PRPSAP2: variants seen among roughly 807,000 people sequenced by gnomAD.
PRPSAP2 encodes the protein phosphoribosyl pyrophosphate synthase-associated protein 2.
In PRPSAP2, 24 loss-of-function variants were observed where a neutral mutation model predicts 40.6. The observed-to-expected ratio is 0.59, with a 90% CI of 0.43 to 0.83. The LOEUF (loss-of-function observed/expected upper bound fraction) is 0.83. Among genes scored for constraint, PRPSAP2 ranks in the 40% least tolerant of loss-of-function variants. The probability of loss-of-function intolerance (pLI) is 0.00; values close to 1 mark genes in which losing one functional copy is unlikely to be tolerated. For missense variants in PRPSAP2, 292 were observed against 465.6 expected, an observed-to-expected ratio of 0.63 and a Z score of 3.43; for synonymous variants, 149 against 164.7, an observed-to-expected ratio of 0.90 and a Z score of 0.73.
At chr17:18,867,482 G>T in intron 4 of PRPSAP2, 148 bp downstream of exon 4, 1 of 885,586 alleles carries the variant, frequency 1.1e-6, no homozygotes, top group South Asian at 1.7e-5. Flanking sequence ...GAACAGAGTG[G>T]TTTTTTAGCT....
intron 10 of PRPSAP2, among the ~76,000 whole-genome samples, chr17:18,925,833 C>G (rs1034192891): frequency 1.3e-5 from 2 of 152,104 alleles, no homozygotes; most frequent in Non-Finnish European, 2.9e-5. Flanking sequence ...TCTCTGGGGC[C>G]GGGCACGGTG....
In PRPSAP2 at chr17:18,882,390, A is replaced by T. The variant is rs112368682; in HGVS notation, c.413-178A>T. 1.0e-3 allele frequency among the ~76,000 whole-genome samples: 154 copies of T among 151,902 alleles called. 1 individual carries two copies. The highest frequency in any genetic ancestry group is 3.6e-3 in the African/African-American group (151 of 41,480). On this transcript the variant is annotated intron_variant, in intron 6 of 11. Transcript: ENST00000268835. ...TCTGGGCGTGGTGGCATGCACCTGT[A>T]TTCCCAGCTACTTTCAAGGCTGAGG...
chr17:18,900,669 G>A (rs576716736), intron 8 of PRPSAP2, among the ~76,000 whole-genome samples: 1 of 152,192 alleles, frequency 6.6e-6, no homozygotes, highest in Non-Finnish European at 1.5e-5. Flanking sequence ...GTTGGGGCTC[G>A]TTTCTGCTAG....
intron 8 of PRPSAP2, among the ~76,000 whole-genome samples, chr17:18,902,631 A>T (rs1280618423): frequency 6.6e-6 from 1 of 152,058 alleles, no homozygotes; most frequent in Non-Finnish European, 1.5e-5. Flanking sequence ...GCACTTTGGG[A>T]GGCCGAGGGG....
chr17:18,865,152 A>T (rs2037343251), intron 1 of PRPSAP2, among the ~76,000 whole-genome samples: 1 of 152,158 alleles, frequency 6.6e-6, no homozygotes, highest in Admixed American at 6.6e-5. Context: ...ACCAGCACTG[A>T]TGATTTATAA....
chr17:18,878,756 C>T (rs2038492510), intron 6 of PRPSAP2, among the ~76,000 whole-genome samples: 1 of 152,174 alleles, frequency 6.6e-6, no homozygotes, highest in African/African-American at 2.4e-5. Context: ...AGGGTTTCTC[C>T]ATGTTGGTCA....
At chr17:18,922,254 T>A (rs986084498) in intron 9 of PRPSAP2, among the ~76,000 whole-genome samples, 2 of 152,244 alleles carry the variant, frequency 1.3e-5, no homozygotes, top group Non-Finnish European at 2.9e-5. Flanking sequence ...TATATTCATG[T>A]ATGAGTTTTC....
At chr17:18,892,727 G>GTGTGTGTGTGTGT (rs60288281) in intron 8 of PRPSAP2, among the ~76,000 whole-genome samples, 2 of 126,626 alleles carry the variant, frequency 1.6e-5, no homozygotes, top group Admixed American at 8.1e-5. Flanking sequence ...GTGTGTGTGT[G>GTGTGTGTGTGTGT]TATTTATTTA....
intron 9 of PRPSAP2, among the ~76,000 whole-genome samples, chr17:18,912,826 G>A (rs1352407761): frequency 6.6e-6 from 1 of 152,136 alleles, no homozygotes; most frequent in Admixed American, 6.5e-5. Flanking sequence ...CTTGAGGCCA[G>A]GAGTTCGAGA....
At chr17:18,866,206 T>C (rs906299090) in intron 3 of PRPSAP2, among the ~76,000 whole-genome samples, 88 of 152,238 alleles carry the variant, frequency 5.8e-4, no homozygotes, top group African/African-American at 2.1e-3. Flanking sequence ...CAGACATTTA[T>C]TGAGTGCCTT....
intron 9 of PRPSAP2, among the ~76,000 whole-genome samples, chr17:18,913,022 G>A (rs1448562810): frequency 6.6e-6 from 1 of 152,218 alleles, no homozygotes; most frequent in African/African-American, 2.4e-5. Flanking sequence ...TTTGCTGGGA[G>A]CAGCCCATGC....
At chr17:18,916,915 C>T (rs1052587440) in intron 9 of PRPSAP2, among the ~76,000 whole-genome samples, 4 of 152,180 alleles carry the variant, frequency 2.6e-5, no homozygotes, top group African/African-American at 9.7e-5. Context: ...CCAAAGGCCC[C>T]ACTGTTAATA....
chr17:18,876,390 CA>C (rs2038299474), intron 5 of PRPSAP2, among the ~76,000 whole-genome samples: 1 of 152,066 alleles, frequency 6.6e-6, no homozygotes, highest in Admixed American at 6.6e-5. Flanking sequence ...AGTTAATTAA[CA>C]GGGTGAAAGT....
intron 10 of PRPSAP2, 93 bp downstream of exon 10, chr17:18,924,077 T>A (rs2041840597): frequency 1.5e-6 from 2 of 1,306,510 alleles, no homozygotes; most frequent in Non-Finnish European, 2.2e-6. Flanking sequence ...AGACTCACTG[T>A]CGCCCAGGCT....
At chr17:18,916,461 C>T (rs932206691) in intron 9 of PRPSAP2, among the ~76,000 whole-genome samples, 2 of 151,236 alleles carry the variant, frequency 1.3e-5, no homozygotes, top group South Asian at 2.1e-4. Context: ...CCGCAACTTC[C>T]ACCTCCACCT....
chr17:18,889,287 T>G (rs1009753744), intron 7 of PRPSAP2, among the ~76,000 whole-genome samples: 7 of 152,244 alleles, frequency 4.6e-5, no homozygotes, highest in African/African-American at 1.7e-4. Context: ...TGTTATTAAC[T>G]GCTCATATTA....
chr17:18,916,070 G>A (rs1311236356), intron 9 of PRPSAP2, among the ~76,000 whole-genome samples: 4 of 151,922 alleles, frequency 2.6e-5, no homozygotes, highest in Admixed American at 6.6e-5. Context: ...TGCCTACCTC[G>A]GCCTCCCAAA....
chr17:18,883,963 C>T (rs201911414), intron 7 of PRPSAP2, among the ~76,000 whole-genome samples: 2 of 150,080 alleles, frequency 1.3e-5, no homozygotes, highest in East Asian at 1.9e-4. Flanking sequence ...TTTAAAGTTA[C>T]ACACAAGAAA....
Position 18,886,998 on chromosome 17 carries a change from G to A in PRPSAP2, c.529-2824G>A, listed in dbSNP as rs368630711. 1.5e-3 allele frequency among the ~76,000 whole-genome samples: 196 copies of A among 130,960 alleles called. 1 individual carries two copies. In the South Asian group the frequency reaches 0.019, roughly 12 times the overall value. The allele number at this position is 130,960 out of a possible 152,430, so 85.9% of individuals were successfully genotyped here. On this transcript the variant is annotated intron_variant, in intron 7 of 11. Coordinates refer to ENST00000268835, the MANE Select transcript of PRPSAP2 (RefSeq NM_002767.4). Reference sequence around the variant, plus strand: ...GTTGCCCAGGCTGGAGTGCAGTGGCGCAATCTCAGCTCATCACAACCTCCG... The same window carrying A: ...GTTGCCCAGGCTGGAGTGCAGTGGCACAATCTCAGCTCATCACAACCTCCG...
Sources: allele counts gnomAD v4.1 joint callset (sites outside exome capture counted in the v4.1 genomes callset), GRCh38; gene constraint gnomAD v4.1.1; transcripts MANE v1.5; gene names NCBI Gene and HGNC (gene_info 2026-07-23, HGNC 2026-07-21).